POLR2F: variants seen among roughly 807,000 people sequenced by gnomAD.
The protein encoded by POLR2F is RNA polymerase II, I and III subunit F.
In POLR2F, 12 loss-of-function variants were observed where a neutral mutation model predicts 22.7. The observed-to-expected ratio is 0.53, with a 90% confidence interval of 0.34 to 0.86. POLR2F has a LOEUF of 0.86. Among genes scored for constraint, POLR2F ranks in the 40% least tolerant of loss-of-function variants. The pLI, the probability that POLR2F is intolerant of heterozygous loss-of-function variation, is 0.02. For synonymous variants in POLR2F, 57 were observed against 66.0 expected (o/e 0.86, Z 0.66); for missense variants, 126 against 171.5 (o/e 0.73, Z 1.48).
downstream of POLR2F, among the ~76,000 whole-genome samples, chr22:38,026,881 C>G (rs2085016522): frequency 6.6e-6 from 1 of 152,010 alleles, no homozygotes; most frequent in African/African-American, 2.4e-5. Flanking sequence ...AGTCTCCTAC[C>G]CCGGCTGCCT....
At chr22:37,967,231 C>A in intron 4 of POLR2F, 61 bp downstream of exon 4, 1 of 1,602,142 alleles carries the variant, frequency 6.2e-7, no homozygotes, top group Non-Finnish European at 8.5e-7. Context: ...GTTGGGCTCT[C>A]TGTTGCACCC....
chr22:38,034,985 A>C (rs1335461360), intron 5 of POLR2F, among the ~76,000 whole-genome samples: 1 of 108,108 alleles, frequency 9.3e-6, no homozygotes, highest in South Asian at 3.1e-4. Flanking sequence ...CCCACTCCCC[A>C]AGCAGATTCC....
chr22:37,979,426 CG>C (rs1329750059), intron 4 of POLR2F, among the ~76,000 whole-genome samples: 4 of 151,960 alleles, frequency 2.6e-5, no homozygotes, highest in Non-Finnish European at 2.9e-5. Context: ...ATGCTGCTTG[CG>C]GGGGTGGTTG....
At chr22:37,990,373 GTGTCCAGCAC>G (rs1368995938) in intron 1 of POLR2F, among the ~76,000 whole-genome samples, 1 of 152,274 alleles carries the variant, frequency 6.6e-6, no homozygotes, top group Non-Finnish European at 1.5e-5. Context: ...GCTGGGGCCA[GTGTCCAGCAC>G]TGCCTCTGGC....
downstream of POLR2F, chr22:37,974,311 A>C: frequency 1.3e-6 from 1 of 766,076 alleles, no homozygotes; most frequent in Non-Finnish European, 2.1e-6. This position sits in a 1 kb window ranked among gnomAD's most constrained non-coding sequence, Gnocchi z 5.4. Flanking sequence ...CTCTGGGAAA[A>C]CCTTGTAAGT....
intron 3 of POLR2F, among the ~76,000 whole-genome samples, chr22:37,966,889 C>G (rs977067093): frequency 2.0e-5 from 3 of 152,216 alleles, no homozygotes; most frequent in African/African-American, 4.8e-5. Context: ...CCAGGACATT[C>G]TGCTGTGGCC....
chr22:38,019,851 C>T (rs1482597500), intron 1 of POLR2F, among the ~76,000 whole-genome samples: 1 of 152,120 alleles, frequency 6.6e-6, no homozygotes, highest in African/African-American at 2.4e-5. Context: ...CCCATCTCTA[C>T]TAAAAATACA....
intron 1 of POLR2F, among the ~76,000 whole-genome samples, chr22:38,002,649 G>T (rs1254897412): frequency 6.6e-6 from 1 of 152,226 alleles, no homozygotes; most frequent in African/African-American, 2.4e-5. Flanking sequence ...AGGGCTTCCC[G>T]GTGGAGGTGA....
chr22:37,957,066 G>A (rs1169440021), intron 2 of POLR2F, among the ~76,000 whole-genome samples: 2 of 152,244 alleles, frequency 1.3e-5, no homozygotes, highest in Non-Finnish European at 2.9e-5. Flanking sequence ...GGCTTCTGGG[G>A]CAGTTAGTTC....
rs985410653 is a variant in POLR2F, at chr22:37,978,141, G to A, written c.293+10971G>A. On this transcript the variant is annotated intron_variant, in intron 4 of 4. Transcript: ENST00000405557. The surrounding 1 kb of genome is among the most constrained non-coding windows in gnomAD (Gnocchi z 5.0). ...TGTCACTTTCGTTCAGCAGCCTGGG[G>A]TGTGGTGGGAGGCGGAGAGGACAGC... 6.4e-7 allele frequency: 1 copy of A among 1,555,052 alleles called. No homozygotes were observed. The highest frequency in any genetic ancestry group is 8.7e-7 in the Non-Finnish European group (1 of 1,151,062).
chr22:37,968,208 T>C lies in POLR2F; in HGVS notation c.*493T>C, dbSNP rs899150058. 2.1e-5 allele frequency: 21 copies of C among 985,354 alleles called. No homozygotes were observed. The highest frequency in any genetic ancestry group is 2.5e-5 in the Non-Finnish European group (21 of 829,990). 61.0% of individuals were successfully genotyped at this position (985,354 alleles called of 1,614,324 possible). A position where few individuals can be genotyped will look rare whatever the true frequency, so the allele number is the denominator to read the frequency against. Reference sequence around the variant, plus strand: ...TCTTATCGTGGGCTCGGATCCCCTTTCAGGAGCAGTGCCCCAGCAGGAAGC... The same window carrying C: ...TCTTATCGTGGGCTCGGATCCCCTTCCAGGAGCAGTGCCCCAGCAGGAAGC... On this transcript the variant is annotated 3_prime_UTR_variant, in exon 5 of 5. Coordinates refer to ENST00000442738, the MANE Select transcript of POLR2F (RefSeq NM_021974.5).
intron 1 of POLR2F, among the ~76,000 whole-genome samples, chr22:38,023,932 C>T (rs994908221): frequency 2.0e-5 from 3 of 151,060 alleles, no homozygotes; most frequent in Middle Eastern, 3.2e-3. Flanking sequence ...ACCTCCTCCT[C>T]CTGGGTTCCA....
At chr22:38,029,004 G>GA (rs1259228152), downstream of POLR2F, among the ~76,000 whole-genome samples, 1 of 152,196 alleles carries the variant, frequency 6.6e-6, no homozygotes, top group Non-Finnish European at 1.5e-5. Flanking sequence ...AGAGGCTTCT[G>GA]AAAGGGTTTC....
chr22:37,973,619 GAGA>G, downstream of POLR2F: 1 of 1,613,660 alleles, frequency 6.2e-7, no homozygotes, highest in African/African-American at 1.3e-5. Flanking sequence ...CCCCATATAG[GAGA>G]AGGCCGAGTA....
In POLR2F at chr22:37,953,741, C is replaced by T; in HGVS notation, c.-47C>T. ...AGTCGTAGTGTCGCTGTTTGCGGGT[C>T]TCCGCGCGGGACCGGGGCGCAGCGG... On this transcript the variant is annotated 5_prime_UTR_variant, in exon 1 of 5. Coordinates refer to ENST00000442738, the MANE Select transcript of POLR2F (RefSeq NM_021974.5). 1.3e-6 allele frequency: 2 copies of T among 1,595,414 alleles called. No homozygotes were observed. Among genetic ancestry groups the T allele is most frequent in the Admixed American group, 1.8e-5 (1 of 56,256 alleles).
chr22:37,977,816 G>T, intron 4 of POLR2F: 1 of 1,568,694 alleles, frequency 6.4e-7, no homozygotes. Context: ...GCCATCTCCT[G>T]TCTCCACTGA....
At chr22:37,959,521 A>G (rs746362170) in intron 3 of POLR2F, 45 bp downstream of exon 3, 9 of 1,603,426 alleles carry the variant, frequency 5.6e-6, no homozygotes, top group East Asian at 2.2e-5. Context: ...GTCAGGCCAC[A>G]GTAAGCTCTT....
At chr22:38,029,646 A>G (rs1317978881), downstream of POLR2F, among the ~76,000 whole-genome samples, 3 of 152,200 alleles carry the variant, frequency 2.0e-5, no homozygotes, top group African/African-American at 7.2e-5. Context: ...GGATGGTTCA[A>G]GTTGGTTTCT....
chr22:38,022,894 C>T (rs898574189), intron 1 of POLR2F, among the ~76,000 whole-genome samples: 2 of 152,170 alleles, frequency 1.3e-5, no homozygotes, highest in African/African-American at 4.8e-5. Context: ...ACCTGTAATC[C>T]CAGCTACTCG....
Sources: gnomAD v4.1 joint callset for allele counts (sites outside exome capture counted in the v4.1 genomes callset) on GRCh38, gnomAD v4.1.1 for gene constraint, Gnocchi (gnomAD v3.1) non-coding constraint, MANE v1.5 for transcripts, NCBI Gene and HGNC (gene_info 2026-07-23, HGNC 2026-07-21) for gene names.